TBCK: variants seen among roughly 807,000 people sequenced by gnomAD.
The protein encoded by TBCK is TBC domain-containing protein kinase-like protein.
A neutral mutation model predicts 113.4 loss-of-function variants in TBCK; 99 were observed. The observed-to-expected ratio is 0.87, with a 90% CI of 0.74 to 1.03. The LOEUF is 1.03. Ranked by LOEUF, TBCK falls within the 50% of genes least tolerant of loss-of-function variation. The pLI, the probability that TBCK is intolerant of heterozygous loss-of-function variation, is 0.00. For synonymous variants in TBCK, 369 were observed against 370.8 expected (o/e 1.00, Z 0.05); for missense variants, 1,045 against 1,061.3 (o/e 0.98, Z 0.21).
intron 21 of TBCK, 60 bp from the exon 22 acceptor site, chr4:106,193,830 CAACTT>C (rs1753926790): frequency 8.7e-7 from 1 of 1,144,618 alleles, no homozygotes; most frequent in Admixed American, 3.2e-5. Flanking sequence ...AAAACAATAA[CAACTT>C]ACTTTACTAG....
At chr4:106,294,866 T>C (rs975447430) in intron 3 of TBCK, among the ~76,000 whole-genome samples, 2 of 152,162 alleles carry the variant, frequency 1.3e-5, no homozygotes, top group Non-Finnish European at 1.5e-5. Context: ...GAAGAATTTT[T>C]TGTGAAATAT....
At chr4:106,143,794 A>G (rs1747427568) in intron 23 of TBCK, among the ~76,000 whole-genome samples, 1 of 152,030 alleles carries the variant, frequency 6.6e-6, no homozygotes. Context: ...CACACCTGCA[A>G]TCCCAGCTAT....
intron 23 of TBCK, among the ~76,000 whole-genome samples, chr4:106,123,004 T>C (rs1018805604): frequency 3.3e-5 from 5 of 152,180 alleles, no homozygotes; most frequent in Admixed American, 6.5e-5. Flanking sequence ...CTATTCAACA[T>C]AGTGTTGGAA....
chr4:106,085,497 A>C (rs1429200193), intron 25 of TBCK, among the ~76,000 whole-genome samples: 4 of 152,152 alleles, frequency 2.6e-5, no homozygotes, highest in Non-Finnish European at 1.5e-5. Context: ...AGAGACATAG[A>C]CTCTGACACG....
intron 19 of TBCK, among the ~76,000 whole-genome samples, chr4:106,229,893 A>G (rs527336550): frequency 6.6e-6 from 1 of 152,132 alleles, no homozygotes; most frequent in South Asian, 2.1e-4. Flanking sequence ...ACGCTATGAC[A>G]TGAACTCTTA....
chr4:106,113,203 T>G (rs1038044440), intron 24 of TBCK, among the ~76,000 whole-genome samples: 1 of 152,152 alleles, frequency 6.6e-6, no homozygotes, highest in African/African-American at 2.4e-5. Flanking sequence ...ATTTCAACAA[T>G]TTTGTCACAG....
chr4:106,092,146 C>T (rs1268586667), intron 25 of TBCK, among the ~76,000 whole-genome samples: 3 of 152,116 alleles, frequency 2.0e-5, no homozygotes, highest in Non-Finnish European at 4.4e-5. Context: ...CTCCAAGTCC[C>T]CACCAGATTA....
intron 6 of TBCK, 57 bp from the exon 7 acceptor site, chr4:106,250,535 G>C: frequency 1.0e-6 from 1 of 988,014 alleles, no homozygotes. Context: ...TTCTAGGAAG[G>C]CATTTTTCTC....
At chr4:106,106,199 C>T (rs1315427900) in intron 24 of TBCK, among the ~76,000 whole-genome samples, 1 of 152,048 alleles carries the variant, frequency 6.6e-6, no homozygotes, top group African/African-American at 2.4e-5. Flanking sequence ...GGGAAGAAAG[C>T]AAACAACTTG....
intron 20 of TBCK, among the ~76,000 whole-genome samples, chr4:106,197,488 T>C (rs947849886): frequency 1.4e-5 from 2 of 147,188 alleles, no homozygotes. Flanking sequence ...AATGCCAAGA[T>C]CATAAAATGC....
intron 23 of TBCK, among the ~76,000 whole-genome samples, chr4:106,131,442 G>A (rs778441905): frequency 2.6e-5 from 4 of 152,116 alleles, no homozygotes; most frequent in Admixed American, 2.0e-4. Flanking sequence ...GAGAAACCCC[G>A]TCTCTACTAA....
intron 20 of TBCK, among the ~76,000 whole-genome samples, chr4:106,209,234 A>G (rs1266879315): frequency 6.9e-6 from 1 of 145,394 alleles, no homozygotes; most frequent in Non-Finnish European, 1.5e-5. Flanking sequence ...AGGGAAGCAT[A>G]AATAAATATA....
At chr4:106,061,890 T>C (rs1427447418) in intron 25 of TBCK, among the ~76,000 whole-genome samples, 2 of 151,784 alleles carry the variant, frequency 1.3e-5, no homozygotes, top group Non-Finnish European at 2.9e-5. Flanking sequence ...GTGAACTCTT[T>C]ATGATGGAGG....
chr4:106,116,701 T>C (rs1336666997), intron 23 of TBCK, among the ~76,000 whole-genome samples: 1 of 152,154 alleles, frequency 6.6e-6, no homozygotes, highest in African/African-American at 2.4e-5. Flanking sequence ...GTGGTGGAAT[T>C]AGATTCTCAT....
At chr4:106,073,917 G>A (rs1387463867) in intron 25 of TBCK, among the ~76,000 whole-genome samples, 2 of 152,208 alleles carry the variant, frequency 1.3e-5, no homozygotes, top group African/African-American at 2.4e-5. Context: ...GGGACCCACT[G>A]AGCCAGGCAC....
In TBCK at chr4:106,258,732, C is replaced by G. The variant is rs558457261; in HGVS notation, c.455+1705G>C. On this transcript the variant is annotated intron_variant, in intron 5 of 25. Transcript: ENST00000394708. ...CACAAATTGATTTAGACAAAAGAAG[C>G]AGCAGCAATCACTTGTACTACAGCT... Among the ~76,000 whole-genome samples the G allele has an allele frequency of 4.6e-5, 7 of 152,024 alleles. No individual in the cohort carries two copies. In the South Asian group the frequency reaches 1.2e-3, roughly 27 times the overall value.
intron 1 of TBCK, among the ~76,000 whole-genome samples, chr4:106,314,996 C>T (rs1325144557): frequency 6.6e-6 from 1 of 152,052 alleles, no homozygotes; most frequent in Non-Finnish European, 1.5e-5. Context: ...ACACAATGAT[C>T]GAAAAAGATA....
intron 23 of TBCK, among the ~76,000 whole-genome samples, chr4:106,122,311 C>T (rs1744514993): frequency 6.6e-6 from 1 of 152,054 alleles, no homozygotes; most frequent in African/African-American, 2.4e-5. Flanking sequence ...TACACTCTCC[C>T]AAGACTAAAC....
At chr4:106,092,171 G>A (rs1740340989) in intron 25 of TBCK, among the ~76,000 whole-genome samples, 1 of 152,138 alleles carries the variant, frequency 6.6e-6, no homozygotes, top group Admixed American at 6.5e-5. Flanking sequence ...GATACAGAGT[G>A]CTGATTGGTG....
Sources: allele counts gnomAD v4.1 joint callset (sites outside exome capture counted in the v4.1 genomes callset), GRCh38; gene constraint gnomAD v4.1.1; transcripts MANE v1.5; gene names NCBI Gene and HGNC (gene_info 2026-07-23, HGNC 2026-07-21).